CCDC186: variants seen among roughly 807,000 people sequenced by gnomAD.
CCDC186 encodes the protein coiled-coil domain-containing protein 186.
In CCDC186, 49 loss-of-function variants were observed where a neutral mutation model predicts 113.7. The observed-to-expected ratio is 0.43, with a 90% CI of 0.34 to 0.55. The LOEUF is 0.55. Ranked by LOEUF, CCDC186 falls within the 20% of genes least tolerant of loss-of-function variation. The pLI is 0.02. For synonymous variants in CCDC186, 355 were observed against 345.8 expected (o/e 1.03, Z -0.30); for missense variants, 890 against 1,011.1 (o/e 0.88, Z 1.62).
intron 13 of CCDC186, among the ~76,000 whole-genome samples, chr10:114,128,690 C>A (rs1465220505): frequency 1.3e-5 from 2 of 151,776 alleles, no homozygotes; most frequent in African/African-American, 4.8e-5. Context: ...CTTGGCATTC[C>A]AAAAAAAGAC....
chr10:114,130,777 T>C (rs1005716238), intron 12 of CCDC186: 2 of 157,894 alleles, frequency 1.3e-5, no homozygotes, highest in African/African-American at 4.8e-5. Context: ...TTTTCATATG[T>C]TCTAATATAT....
Position 114,164,102 on chromosome 10 carries a change from GTA to G in CCDC186, c.-61-775_-61-774del, listed in dbSNP as rs1554930661. ...TGTGTGTGTGTGTGTGTGTGTGTGT[GTA>G]TATATATATATTTTTTTTTTTTTTT... On this transcript the variant is annotated intron_variant, in intron 1 of 15. Transcript: ENST00000369287. Among the ~76,000 whole-genome samples, 77 of 101,126 alleles carry G rather than the reference GTA, an allele frequency of 7.6e-4. 1 individual carries two copies. The highest frequency in any genetic ancestry group is 2.3e-3 in the East Asian group (8 of 3,408). The allele number at this position is 101,126 out of a possible 152,430, so 66.3% of individuals were successfully genotyped here.
chr10:114,162,555 G>A lies in CCDC186; in HGVS notation c.632+82C>T, dbSNP rs1564918081. The A allele has an allele frequency of 8.8e-6, 9 of 1,022,890 alleles. No homozygotes were observed. The South Asian group carries it at 1.6e-4, about 19-fold the overall frequency. The allele number at this position is 1,022,890 out of a possible 1,614,324, so 63.4% of individuals were successfully genotyped here. On this transcript the variant is annotated intron_variant, in intron 2 of 15. Transcript: ENST00000369287. The stretch of plus-strand genomic sequence containing the variant: ...ATGTGCAAGTAAAAATGAACAAAAT[G>A]GTATTTTCCTTTAAAGAATTTTATC...
At chr10:114,167,045 G>A (rs1213701363) in intron 1 of CCDC186, among the ~76,000 whole-genome samples, 1 of 137,582 alleles carries the variant, frequency 7.3e-6, no homozygotes, top group African/African-American at 2.7e-5. Flanking sequence ...TTTTAAAGAT[G>A]GAGTCTCGCT....
chr10:114,126,590 C>T (rs778304230), intron 14 of CCDC186, among the ~76,000 whole-genome samples: 1 of 152,166 alleles, frequency 6.6e-6, no homozygotes, highest in Admixed American at 6.5e-5. Context: ...TCAAGCAATC[C>T]TCCTGCCTCG....
At position 114,137,088 on chromosome 10, in the gene CCDC186, G is replaced by T. The variant is rs536931898; in HGVS notation, c.1326+98C>A. 4.7e-6 allele frequency: 4 copies of T among 852,072 alleles called. No homozygotes were observed. In the South Asian group the frequency reaches 6.5e-5, roughly 14 times the overall value. The allele number at this position is 852,072 out of a possible 1,614,324, so 52.8% of individuals were successfully genotyped here. On this transcript the variant is annotated intron_variant, in intron 7 of 15. Coordinates refer to ENST00000369287, the MANE Select transcript of CCDC186 (RefSeq NM_018017.4). ...GCCGAGACTGTGCCATTGAACTCCA[G>T]CCCGGGCGACAGAGCGAGACTCCAT...
chr10:114,122,473 G>GTA lies in CCDC186; in HGVS notation c.*2668_*2669dup, dbSNP rs1351799427. ...CTTCAAAATTAAAACCTATTGAAGT[G>GTA]TATACATATACATACACAGAAAAAA... On this transcript the variant is annotated 3_prime_UTR_variant, in exon 16 of 16. Coordinates refer to ENST00000369287, the MANE Select transcript of CCDC186 (RefSeq NM_018017.4). 6 of 152,114 alleles carry GTA rather than the reference G, an allele frequency of 3.9e-5. No individual in the cohort carries two copies. Among genetic ancestry groups the GTA allele is most frequent in the Non-Finnish European group, 5.9e-5 (4 of 68,018 alleles). The allele number at this position is 152,114 out of a possible 1,614,324, so 9.4% of individuals were successfully genotyped here. A position where few individuals can be genotyped will look rare whatever the true frequency, so the allele number is the denominator to read the frequency against.
Position 114,151,092 on chromosome 10 carries a change from C to T in CCDC186, c.888G>A (p.Gln296=). The T allele has an allele frequency of 3.1e-6, 5 of 1,611,842 alleles. No individual in the cohort carries two copies. Among genetic ancestry groups the T allele is most frequent in the Non-Finnish European group, 4.2e-6 (5 of 1,179,312 alleles). Residue 296 remains glutamine (Q), a splice_region_variant and synonymous_variant, in exon 4 of 16, where the codon CAG becomes CAA. Coordinates refer to ENST00000369287, the MANE Select transcript of CCDC186 (RefSeq NM_018017.4). ...LHKEMAQRME[Q]ANKKCEEARQ... ...ATAATGACAACGATGTGAGAAATAC[C>T]TGTTCCATCCGTTGGGCCATCTCTT...
At chr10:114,137,491 T>G (rs1225835434) in intron 6 of CCDC186, among the ~76,000 whole-genome samples, 2 of 152,248 alleles carry the variant, frequency 1.3e-5, no homozygotes, top group Non-Finnish European at 2.9e-5. Context: ...CAGTTAAATT[T>G]GACAGTTTTC....
rs762225131 is a variant in CCDC186 at position 114,132,040 on chromosome 10, T to C, written c.1800A>G (p.Ala600=). The C allele has an allele frequency of 7.6e-5, 123 of 1,613,406 alleles. No homozygotes were observed. Among genetic ancestry groups the C allele is most frequent in the Non-Finnish European group, 1.0e-4 (118 of 1,179,784 alleles). Residue 600 remains alanine (A), a synonymous_variant, in exon 11 of 16, where the codon GCA becomes GCG. Transcript: ENST00000369287. ...LFTERLTSKN[A]QLQSESNSLQ... is the part of the protein sequence containing the mutation. ...AAGAATTGGATTCAGACTGAAGCTG[T>C]GCATTCTTACTAGTGAGCCTTTCTG...
rs900992323 is a variant in CCDC186 at position 114,124,041 on chromosome 10, G to C, written c.*1102C>G. On this transcript the variant is annotated 3_prime_UTR_variant, in exon 16 of 16. Transcript: ENST00000369287. ...TTTTAAAATTTCTTTGTAGAGATGGGGGTCTCGCTATGTTGCCAAGGCTGG... is the reference window on the plus strand; with the variant it reads ...TTTTAAAATTTCTTTGTAGAGATGGCGGTCTCGCTATGTTGCCAAGGCTGG... 6 of 152,130 alleles carry C rather than the reference G, an allele frequency of 3.9e-5. No homozygotes were observed. The highest frequency in any genetic ancestry group is 1.4e-4 in the African/African-American group (6 of 41,402). 9.4% of individuals were successfully genotyped at this position (152,130 alleles called of 1,614,324 possible).
chr10:114,146,606 T>C (rs2031647905), intron 4 of CCDC186, among the ~76,000 whole-genome samples: 1 of 152,370 alleles, frequency 6.6e-6, no homozygotes, highest in Admixed American at 6.5e-5. Context: ...TCTATTAGTA[T>C]GAACTGGTAC....
At chr10:114,139,600 C>T (rs1450994016) in intron 6 of CCDC186, among the ~76,000 whole-genome samples, 1 of 149,518 alleles carries the variant, frequency 6.7e-6, no homozygotes, top group Non-Finnish European at 1.5e-5. Flanking sequence ...CAAAAATAAA[C>T]TGTTTCTTAC....
intron 4 of CCDC186, among the ~76,000 whole-genome samples, chr10:114,149,609 G>A (rs1315762480): frequency 1.3e-4 from 5 of 37,760 alleles, no homozygotes; most frequent in Admixed American, 2.8e-4. Flanking sequence ...GAAGGGAAGG[G>A]AAGGGAAGGG....
At chr10:114,169,467 T>C (rs2032432659) in intron 1 of CCDC186, among the ~76,000 whole-genome samples, 1 of 152,000 alleles carries the variant, frequency 6.6e-6, no homozygotes, top group Non-Finnish European at 1.5e-5. Context: ...TCTCTGGAAC[T>C]CCTGACCTCA....
At chr10:114,171,354 T>C (rs940351567) in intron 1 of CCDC186, among the ~76,000 whole-genome samples, 2 of 151,856 alleles carry the variant, frequency 1.3e-5, no homozygotes, top group Non-Finnish European at 2.9e-5. Context: ...CTGGGAAACA[T>C]AGCAAGACCT....
intron 4 of CCDC186, 36 bp downstream of exon 4, chr10:114,151,056 A>G: frequency 6.2e-7 from 1 of 1,604,472 alleles, no homozygotes. Flanking sequence ...AGTCACCAGA[A>G]TATCAAGTTA....
intron 14 of CCDC186, 68 bp downstream of exon 14, chr10:114,127,393 A>G: frequency 1.4e-6 from 2 of 1,417,056 alleles, no homozygotes; most frequent in South Asian, 2.6e-5. Flanking sequence ...CTAATTTTAA[A>G]AACAGTAACT....
chr10:114,166,584 C>G (rs1266618617), intron 1 of CCDC186, among the ~76,000 whole-genome samples: 3 of 152,208 alleles, frequency 2.0e-5, no homozygotes, highest in Non-Finnish European at 4.4e-5. Flanking sequence ...CTGAATCAAA[C>G]TCTTAAGTCT....
Sources: gnomAD v4.1 joint callset for allele counts (sites outside exome capture counted in the v4.1 genomes callset) on GRCh38, gnomAD v4.1.1 for gene constraint, MANE v1.5 for transcripts, NCBI Gene and HGNC (gene_info 2026-07-23, HGNC 2026-07-21) for gene names.